KIRREL2: variants seen among roughly 807,000 people sequenced by gnomAD.
KIRREL2 encodes kirre like nephrin family adhesion molecule 2.
KIRREL2 carries 56 observed loss-of-function variants against 73.4 expected under a neutral mutation model. That is an observed-to-expected ratio of 0.76 (90% CI 0.62 to 0.95). The LOEUF (loss-of-function observed/expected upper bound fraction) is 0.95, where lower values mean the gene tolerates loss of function less well. KIRREL2 is among the 40% of genes least tolerant of loss of function. The pLI is 0.00. For synonymous variants in KIRREL2, 407 were observed against 404.0 expected (o/e 1.01, Z -0.09); for missense variants, 896 against 935.0 (o/e 0.96, Z 0.54).
At position 35,860,741 on chromosome 19, in the gene KIRREL2, G is replaced by A. The variant is rs1209139874; in HGVS notation, c.928+74G>A. 6 of 1,590,142 alleles carry A rather than the reference G, an allele frequency of 3.8e-6. No homozygotes were observed. In the Admixed American group the frequency reaches 5.1e-5, roughly 13 times the overall value. The stretch of plus-strand genomic sequence containing the variant: ...CAGGGCTGTTGAGGGTCGGGGCCTG[G>A]AGGGGCGGGGCCGGGAGAGCGAGCG... On this transcript the variant is annotated intron_variant, in intron 7 of 14. Transcript: ENST00000360202.
rs544120293 is a variant in KIRREL2, at chr19:35,859,141, A to G, written c.522+277A>G. Among the ~76,000 whole-genome samples the G allele has an allele frequency of 4.3e-4, 66 of 152,308 alleles. No individual in the cohort carries two copies. The South Asian group carries it at 7.0e-3, about 16-fold the overall frequency. ...TACAATCAGGATAATAGTAGCATGC[A>G]TGTCATAGGGTATTGTGAGAATTAA... On this transcript the variant is annotated intron_variant, in intron 4 of 14. Transcript: ENST00000360202.
At chr19:35,851,898 C>G (rs75799457), upstream of KIRREL2, 1 of 1,456,980 alleles carries the variant, frequency 6.9e-7, no homozygotes, top group African/African-American at 1.4e-5. Context: ...GTCTGTCTGG[C>G]TTTCTCTGGG....
At chr19:35,860,205 C>T in intron 5 of KIRREL2, 92 bp from the exon 6 acceptor site, 2 of 1,047,326 alleles carry the variant, frequency 1.9e-6, no homozygotes, top group Non-Finnish European at 2.8e-6. Context: ...GGCCCAGACT[C>T]CTGGGATGGA....
intron 2 of KIRREL2, among the ~76,000 whole-genome samples, 198 bp from the exon 3 acceptor site, chr19:35,858,210 G>T (rs1280304455): frequency 6.6e-6 from 1 of 151,386 alleles, no homozygotes; most frequent in Non-Finnish European, 1.5e-5. Flanking sequence ...TTTCCTTCCT[G>T]ACTTTATTAC....
Position 35,858,517 on chromosome 19 carries a change from A to G in KIRREL2, c.321A>G (p.Gln107=), listed in dbSNP as rs1599858258. The G allele has an allele frequency of 6.2e-7, 1 of 1,614,212 alleles. No homozygotes were observed. Reference sequence around the variant, plus strand: ...CATCATATGAATGTCAGGCTACACAAGCAGGCCTCCGCTCCAGACCAGCCC... The same window carrying G: ...CATCATATGAATGTCAGGCTACACAGGCAGGCCTCCGCTCCAGACCAGCCC... The part of the protein sequence containing the change: ...DEASYECQAT[Q]AGLRSRPAQL... The change falls in exon 3 of 15, where the codon CAA becomes CAG. Residue 107 remains glutamine (Q), a synonymous_variant. Coordinates refer to ENST00000360202, the MANE Select transcript of KIRREL2 (RefSeq NM_199180.4).
chr19:35,860,817 T>C, intron 7 of KIRREL2, 92 bp from the exon 8 acceptor site: 1 of 1,598,370 alleles, frequency 6.3e-7, no homozygotes, highest in Non-Finnish European at 8.5e-7. Flanking sequence ...TCTTGCGCCC[T>C]AGAGGGTGTG....
rs558789811 is a variant in KIRREL2, at chr19:35,866,787, G to A, written c.*295G>A. 1.9e-6 allele frequency: 1 copy of A among 522,730 alleles called. No homozygotes were observed. The highest frequency in any genetic ancestry group is 4.0e-5 in the Admixed American group (1 of 25,196). The allele number at this position is 522,730 out of a possible 1,614,324, so 32.4% of individuals were successfully genotyped here. Reference sequence around the variant, plus strand: ...ATGGGGACAGGGCAGTGGGTGTTGGGAGTTTGGGGCCGGGATGGAAGTTGT... The same window carrying A: ...ATGGGGACAGGGCAGTGGGTGTTGGAAGTTTGGGGCCGGGATGGAAGTTGT... On this transcript the variant is annotated 3_prime_UTR_variant, in exon 15 of 15. Transcript: ENST00000360202.
chr19:35,861,919 C>G lies in KIRREL2; in HGVS notation c.1405C>G (p.Leu469Val). 1 of 1,611,824 alleles carries G rather than the reference C, an allele frequency of 6.2e-7. No individual in the cohort carries two copies. Among genetic ancestry groups the G allele is most frequent in the South Asian group, 1.1e-5 (1 of 90,440 alleles). Residue 469 changes from leucine (L) to valine (V), a missense_variant, in exon 11 of 15, where the codon CTA (leucine) becomes GTA (valine). Leu to Val is a conservative substitution (Grantham distance 32). Coordinates refer to ENST00000360202, the MANE Select transcript of KIRREL2 (RefSeq NM_199180.4). ...GGLGPGLISVLHISGTQESDF... is the reference protein window; with the variant it reads ...GGLGPGLISVVHISGTQESDF... Reference sequence around the variant, plus strand: ...ACTGGGTCCGGGCCTGATCTCTGTGCTACACATTTCGGGGACCCAGGAGTC... The same window carrying G: ...ACTGGGTCCGGGCCTGATCTCTGTGGTACACATTTCGGGGACCCAGGAGTC...
upstream of KIRREL2, chr19:35,851,872 G>A (rs866848127): frequency 2.2e-5 from 34 of 1,540,814 alleles, no homozygotes; most frequent in Middle Eastern, 8.3e-4. Flanking sequence ...CACAGCGCCC[G>A]CTGCCAGCCA....
Position 35,861,839 on chromosome 19 carries a change from G to A in KIRREL2, c.1325G>A (p.Gly442Glu). 1.9e-6 allele frequency: 3 copies of A among 1,587,440 alleles called. No homozygotes were observed. Among genetic ancestry groups the A allele is most frequent in the Non-Finnish European group, 2.6e-6 (3 of 1,166,816 alleles). ...TGGGATGAGGGCTTCCTGGAGGCGG[G>A]GTCGCAGGGCCGGTTCCTGGTGGAG... ...WSWDEGFLEA[G>E]SQGRFLVETF... The change falls in exon 11 of 15, where the codon GGG becomes GAG. Residue 442 changes from glycine (G) to glutamate (E), a missense_variant. Coordinates refer to ENST00000360202, the MANE Select transcript of KIRREL2 (RefSeq NM_199180.4).
chr19:35,862,661 G>A, intron 12 of KIRREL2, 64 bp downstream of exon 12: 2 of 1,251,434 alleles, frequency 1.6e-6, no homozygotes, highest in African/African-American at 2.9e-5. Context: ...TGCCTGCCCA[G>A]TGACCTGACC....
At position 35,861,125 on chromosome 19, in the gene KIRREL2, C is replaced by T; in HGVS notation, c.1060C>T (p.Leu354=). ...TGACGCCCCTTCCCTGTCGCAGGTG[C>T]TGGGCTCTGGAGCCACACTGCGTCT... ...TWTRRGGAQV[L]GSGATLRLPS... is the part of the protein sequence containing the mutation. The change falls in exon 9 of 15, where the codon CTG becomes TTG. Residue 354 remains leucine, a synonymous_variant. Transcript: ENST00000360202. 1.2e-6 allele frequency: 2 copies of T among 1,606,778 alleles called. No homozygotes were observed. The highest frequency in any genetic ancestry group is 2.2e-5 in the East Asian group (1 of 44,796).
intron 13 of KIRREL2, among the ~76,000 whole-genome samples, chr19:35,864,001 T>A (rs1011616605): frequency 1.3e-5 from 2 of 151,496 alleles, no homozygotes; most frequent in Non-Finnish European, 1.5e-5. Context: ...GGTCTGGATC[T>A]CCTGACCTCG....
At chr19:35,860,878 G>A in intron 7 of KIRREL2, 31 bp from the exon 8 acceptor site, 3 of 1,612,654 alleles carry the variant, frequency 1.9e-6, no homozygotes, top group African/African-American at 1.3e-5. Flanking sequence ...ATTCCGCCCC[G>A]GCCATGTGAC....
chr19:35,858,295 GTC>G, intron 2 of KIRREL2, 111 bp from the exon 3 acceptor site: 1 of 1,277,086 alleles, frequency 7.8e-7, no homozygotes, highest in South Asian at 1.3e-5. Flanking sequence ...TTTTAATAGT[GTC>G]TTACCACCAA....
intron 4 of KIRREL2, 151 bp from the exon 5 acceptor site, chr19:35,859,330 G>A: frequency 1.5e-6 from 1 of 688,736 alleles, no homozygotes; most frequent in Non-Finnish European, 2.4e-6. Context: ...AACATTATGA[G>A]ACTTTTTTGT....
chr19:35,861,825 C>A lies in KIRREL2; in HGVS notation c.1311C>A (p.Gly437=). 3 of 1,587,818 alleles carry A rather than the reference C, an allele frequency of 1.9e-6. No homozygotes were observed. The highest frequency in any genetic ancestry group is 2.6e-6 in the Non-Finnish European group (3 of 1,166,996). The change falls in exon 11 of 15, where the codon GGC becomes GGA. Residue 437 remains glycine, a synonymous_variant. Transcript: ENST00000360202. ...CCCAGGTCTGGTCTTGGGATGAGGG[C>A]TTCCTGGAGGCGGGGTCGCAGGGCC... is the stretch of plus-strand genomic sequence containing the variant. ...PDAVVWSWDE[G]FLEAGSQGRF...
chr19:35,857,395 G>T lies in KIRREL2; in HGVS notation c.112G>T (p.Gly38Trp), dbSNP rs147522074. 2,456 of 1,613,054 alleles carry T rather than the reference G, an allele frequency of 1.5e-3. 3 individuals carry two copies. Among genetic ancestry groups the T allele is most frequent in the Non-Finnish European group, 1.8e-3 (2,083 of 1,180,036 alleles). Residue 38 changes from glycine (G) to tryptophan (W), a missense_variant, in exon 2 of 15, where the codon GGG (glycine) becomes TGG (tryptophan). Coordinates refer to ENST00000360202, the MANE Select transcript of KIRREL2 (RefSeq NM_199180.4). ...GCCAGAGGACCTGGTGGTGCTGCTG[G>T]GGGAGGAAGCCCGGCTGCCGTGTGC... ...QQPEDLVVLL[G>W]EEARLPCALG...
In KIRREL2 at chr19:35,861,849, C is replaced by T. The variant is rs945666474; in HGVS notation, c.1335C>T (p.Gly445=). 4 of 1,587,948 alleles carry T rather than the reference C, an allele frequency of 2.5e-6. No homozygotes were observed. Among genetic ancestry groups the T allele is most frequent in the Non-Finnish European group, 3.4e-6 (4 of 1,167,116 alleles). ...DEGFLEAGSQ[G]RFLVETFPAP... ...GCTTCCTGGAGGCGGGGTCGCAGGG[C>T]CGGTTCCTGGTGGAGACATTCCCTG... is the stretch of plus-strand genomic sequence containing the variant. The change falls in exon 11 of 15, where the codon GGC becomes GGT. Residue 445 remains glycine, a synonymous_variant. Transcript: ENST00000360202.
Sources: gnomAD v4.1 joint callset for allele counts (sites outside exome capture counted in the v4.1 genomes callset) on GRCh38, gnomAD v4.1.1 for gene constraint, MANE v1.5 for transcripts, NCBI Gene and HGNC (gene_info 2026-07-23, HGNC 2026-07-21) for gene names.